TRAPPC9: variants seen among roughly 807,000 people sequenced by gnomAD.
TRAPPC9 encodes the protein IKK2 binding protein.
In TRAPPC9, 83 loss-of-function variants were observed where a neutral mutation model predicts 124.0. The observed-to-expected ratio is 0.67, with a 90% confidence interval of 0.56 to 0.80. The LOEUF (loss-of-function observed/expected upper bound fraction) is 0.80. Ranked by LOEUF, TRAPPC9 falls within the 30% of genes least tolerant of loss-of-function variation. The pLI is 0.00. For missense variants in TRAPPC9, 1,302 were observed against 1,508.3 expected (o/e 0.86, Z 2.27); for synonymous variants, 638 against 617.5 (o/e 1.03, Z -0.49).
At chr8:140,120,525 CCAA>C (rs1254374284) in intron 17 of TRAPPC9, among the ~76,000 whole-genome samples, 1 of 151,960 alleles carries the variant, frequency 6.6e-6, no homozygotes, top group Non-Finnish European at 1.5e-5. Context: ...ATCTATCCAT[CCAA>C]CAACCATTCA....
At chr8:140,042,655 G>T (rs963011221) in intron 17 of TRAPPC9, among the ~76,000 whole-genome samples, 1 of 152,178 alleles carries the variant, frequency 6.6e-6, no homozygotes, top group Non-Finnish European at 1.5e-5. Context: ...GTCCGGGACC[G>T]CCTGGGCCCA....
At chr8:140,327,161 G>A (rs867685252) in intron 9 of TRAPPC9, among the ~76,000 whole-genome samples, 7 of 152,092 alleles carry the variant, frequency 4.6e-5, no homozygotes, top group Non-Finnish European at 2.9e-5. Context: ...ACTGAGACAG[G>A]AGAATTGCTT....
chr8:139,900,766 G>A (rs1050397742), intron 20 of TRAPPC9, among the ~76,000 whole-genome samples: 4 of 152,016 alleles, frequency 2.6e-5, no homozygotes, highest in East Asian at 1.9e-4. Flanking sequence ...GTAATGTACC[G>A]CAGTCAAAGA....
At chr8:140,284,277 T>C (rs1033983251) in intron 13 of TRAPPC9, among the ~76,000 whole-genome samples, 3 of 152,244 alleles carry the variant, frequency 2.0e-5, no homozygotes, top group Admixed American at 6.5e-5. Flanking sequence ...AGACTATATA[T>C]GTGAAGGTCC....
At chr8:140,081,346 C>CTTT (rs1554620187) in intron 17 of TRAPPC9, among the ~76,000 whole-genome samples, 13 of 141,058 alleles carry the variant, frequency 9.2e-5, no homozygotes, top group Non-Finnish European at 7.6e-5. Flanking sequence ...AAAATGAATG[C>CTTT]TTTTTTTTTT....
intron 16 of TRAPPC9, among the ~76,000 whole-genome samples, chr8:140,244,875 C>T (rs1251590040): frequency 1.4e-5 from 2 of 139,114 alleles, no homozygotes; most frequent in Admixed American, 7.8e-5. Context: ...GGCGCAATCT[C>T]GGCTCACTGC....
intron 17 of TRAPPC9, among the ~76,000 whole-genome samples, chr8:140,211,462 G>A (rs906991710): frequency 6.6e-6 from 1 of 152,148 alleles, no homozygotes; most frequent in African/African-American, 2.4e-5. Context: ...GAGTCGCTGA[G>A]GCAGGAGAAT....
intron 20 of TRAPPC9, among the ~76,000 whole-genome samples, chr8:139,887,247 A>T (rs1355713811): frequency 3.4e-4 from 50 of 146,764 alleles, no homozygotes; most frequent in African/African-American, 1.3e-3. Context: ...TAGAGACAGA[A>T]TCTCACTCTG....
intron 21 of TRAPPC9, among the ~76,000 whole-genome samples, chr8:139,853,217 C>T (rs1025086795): frequency 2.6e-5 from 4 of 152,188 alleles, no homozygotes; most frequent in East Asian, 1.9e-4. Context: ...TAGCACATGG[C>T]GGTGGCAGGA....
chr8:139,797,769 T>C (rs1366716444), intron 21 of TRAPPC9, among the ~76,000 whole-genome samples: 1 of 152,240 alleles, frequency 6.6e-6, no homozygotes, highest in Non-Finnish European at 1.5e-5. Flanking sequence ...CTTTCTCTAT[T>C]GAACTGTTTG....
intron 9 of TRAPPC9, among the ~76,000 whole-genome samples, chr8:140,317,951 G>A (rs987026367): frequency 6.6e-6 from 1 of 152,092 alleles, no homozygotes; most frequent in Non-Finnish European, 1.5e-5. Flanking sequence ...CTGGACATTT[G>A]ATTATGGATT....
chr8:139,762,640 A>G (rs1199867688), intron 21 of TRAPPC9, among the ~76,000 whole-genome samples: 1 of 152,246 alleles, frequency 6.6e-6, no homozygotes, highest in Admixed American at 6.5e-5. Flanking sequence ...TCACCGTCAC[A>G]CATGCGGTCC....
intron 21 of TRAPPC9, among the ~76,000 whole-genome samples, chr8:139,804,100 T>G (rs1205732848): frequency 2.8e-5 from 2 of 70,680 alleles, no homozygotes; most frequent in African/African-American, 1.2e-4. Context: ...CCACCACCAC[T>G]CACCACCACC....
intron 21 of TRAPPC9, among the ~76,000 whole-genome samples, chr8:139,868,807 C>T (rs1050711859): frequency 3.3e-5 from 5 of 152,108 alleles, no homozygotes; most frequent in African/African-American, 1.2e-4. Context: ...ACAACAAATC[C>T]GTCCTGCATG....
At chr8:139,909,931 T>C (rs1831605952) in intron 20 of TRAPPC9, among the ~76,000 whole-genome samples, 1 of 152,198 alleles carries the variant, frequency 6.6e-6, no homozygotes. Context: ...CGAGAAGACC[T>C]TTCCTCGCCC....
At chr8:140,414,155 G>GAAGAAAGA (rs1368608870) in intron 5 of TRAPPC9, among the ~76,000 whole-genome samples, 12 of 152,098 alleles carry the variant, frequency 7.9e-5, no homozygotes, top group Non-Finnish European at 1.5e-4. Flanking sequence ...GAAATATGAA[G>GAAGAAAGA]AAGTTGTGGT....
chr8:139,823,254 G>T (rs1436565941), intron 21 of TRAPPC9, among the ~76,000 whole-genome samples: 1 of 152,150 alleles, frequency 6.6e-6, no homozygotes, highest in Non-Finnish European at 1.5e-5. Context: ...GGAAGGCAGT[G>T]CTTGAGCTGG....
At chr8:140,229,630 G>A (rs1048025239) in intron 16 of TRAPPC9, among the ~76,000 whole-genome samples, 45 of 151,884 alleles carry the variant, frequency 3.0e-4, no homozygotes, top group Non-Finnish European at 4.9e-4. Context: ...GTGTAGCGGC[G>A]CGATCTCGGC....
intron 21 of TRAPPC9, among the ~76,000 whole-genome samples, chr8:139,814,473 C>A (rs181225224): frequency 3.9e-5 from 6 of 152,216 alleles, no homozygotes; most frequent in African/African-American, 1.4e-4. Context: ...GACCCCGGGG[C>A]CCCTGAGGAG....
Sources: gnomAD v4.1 joint callset for allele counts (sites outside exome capture counted in the v4.1 genomes callset) on GRCh38, gnomAD v4.1.1 for gene constraint, MANE v1.5 for transcripts, NCBI Gene and HGNC (gene_info 2026-07-23, HGNC 2026-07-21) for gene names.